The following TSPEAR variants were observed in gnomAD, a reference collection of about 807,000 sequenced individuals.
TSPEAR encodes the protein thrombospondin-type laminin G domain and EAR repeat-containing protein.
In TSPEAR, 69 loss-of-function variants were observed where a neutral mutation model predicts 71.6. The observed-to-expected ratio is 0.96, with a 90% CI of 0.79 to 1.18. The LOEUF (loss-of-function observed/expected upper bound fraction) is 1.18, where lower values mean the gene tolerates loss of function less well. Among genes scored for constraint, TSPEAR ranks in the 50% most tolerant of loss-of-function variants. TSPEAR has a pLI of 0.00. For missense variants in TSPEAR, 971 were observed against 894.9 expected (o/e 1.09, Z -1.09); for synonymous variants, 402 against 387.2 (o/e 1.04, Z -0.45).
At chr21:44,567,654 C>T in intron 2 of TSPEAR, 131 bp downstream of exon 2, 2 of 733,132 alleles carry the variant, frequency 2.7e-6, no homozygotes, top group Non-Finnish European at 4.1e-6. Flanking sequence ...AGGCCAGCCA[C>T]TCTTGATCCC....
chr21:44,502,609 G>A (rs1208257632), intron 11 of TSPEAR, among the ~76,000 whole-genome samples: 1 of 152,250 alleles, frequency 6.6e-6, no homozygotes, highest in Non-Finnish European at 1.5e-5. Context: ...TCCACACGCC[G>A]CATCCCTGAC....
At chr21:44,586,854 ACT>A (rs1979371179) in intron 1 of TSPEAR, among the ~76,000 whole-genome samples, 3 of 152,192 alleles carry the variant, frequency 2.0e-5, no homozygotes, top group African/African-American at 7.2e-5. Flanking sequence ...TATGATTAAA[ACT>A]CTCAGCAAAA....
At chr21:44,503,336 T>A (rs1351127437) in intron 11 of TSPEAR, among the ~76,000 whole-genome samples, 10 of 122,818 alleles carry the variant, frequency 8.1e-5, no homozygotes, top group East Asian at 2.6e-4. Context: ...TGGTGAGCCC[T>A]CGGGGGGAAG....
chr21:44,537,817 C>T (rs942412135), intron 2 of TSPEAR, among the ~76,000 whole-genome samples: 6 of 152,306 alleles, frequency 3.9e-5, no homozygotes, highest in African/African-American at 1.2e-4. Flanking sequence ...GAAAAACACA[C>T]ATAGCCTGAT....
chr21:44,531,367 C>T (rs147080305), intron 3 of TSPEAR, among the ~76,000 whole-genome samples: 3 of 152,344 alleles, frequency 2.0e-5, no homozygotes, highest in Non-Finnish European at 4.4e-5. Context: ...CTCGACTCAT[C>T]AGCTTCTGGT....
At chr21:44,701,770 G>A (rs1987659080) in intron 1 of TSPEAR, among the ~76,000 whole-genome samples, 1 of 102,946 alleles carries the variant, frequency 9.7e-6, no homozygotes, top group African/African-American at 3.0e-5. Context: ...TCACTCACCT[G>A]CCACTCCCCT....
At chr21:44,649,560 C>T (rs1033738900) in intron 1 of TSPEAR, among the ~76,000 whole-genome samples, 2 of 152,224 alleles carry the variant, frequency 1.3e-5, no homozygotes, top group Non-Finnish European at 2.9e-5. Flanking sequence ...CCCCTTCTCC[C>T]GTGTGGCCCA....
Position 44,677,231 on chromosome 21 carries a change from G to C in TSPEAR, c.82+34202C>G, listed in dbSNP as rs1986357650. On this transcript the variant is annotated intron_variant, in intron 1 of 11. Transcript: ENST00000323084. ...TTTTCATCTTCTCTACCTCTTCTTTGGCTTTGAGAAGGGCATTGGCAGCTT... is the reference window on the plus strand; with the variant it reads ...TTTTCATCTTCTCTACCTCTTCTTTCGCTTTGAGAAGGGCATTGGCAGCTT... 10 of 716,514 alleles carry C rather than the reference G, an allele frequency of 1.4e-5. No individual in the cohort carries two copies. In the South Asian group the frequency reaches 1.6e-4, roughly 11 times the overall value. 44.4% of individuals were successfully genotyped at this position (716,514 alleles called of 1,614,324 possible). A position where few individuals can be genotyped will look rare whatever the true frequency, so the allele number is the denominator to read the frequency against.
chr21:44,681,113 T>C (rs930948663), intron 1 of TSPEAR, among the ~76,000 whole-genome samples: 4 of 152,206 alleles, frequency 2.6e-5, no homozygotes, highest in Non-Finnish European at 5.9e-5. Flanking sequence ...CCCATAAATA[T>C]GTAAACATAT....
At chr21:44,672,382 AAC>A (rs1986097866) in intron 1 of TSPEAR, among the ~76,000 whole-genome samples, 1 of 152,164 alleles carries the variant, frequency 6.6e-6, no homozygotes. Flanking sequence ...CATCCTGGCT[AAC>A]ACGGTGAAAC....
chr21:44,644,230 G>C (rs1002483227), intron 1 of TSPEAR, among the ~76,000 whole-genome samples: 1 of 152,224 alleles, frequency 6.6e-6, no homozygotes, highest in South Asian at 2.1e-4. Context: ...CATGTCTCCA[G>C]TGAGTCCAGG....
At chr21:44,690,634 T>C in intron 1 of TSPEAR, 1 of 977,486 alleles carries the variant, frequency 1.0e-6, no homozygotes, top group South Asian at 4.7e-5. Flanking sequence ...AAACAGAAGA[T>C]AAGCAGTTCT....
At chr21:44,681,885 C>A (rs568436407) in intron 1 of TSPEAR, 7 of 1,613,918 alleles carry the variant, frequency 4.3e-6, no homozygotes, top group Non-Finnish European at 5.9e-6. Context: ...GACGCTGGTG[C>A]AGGAAGGCTG....
At chr21:44,709,609 C>T (rs1309614808) in intron 1 of TSPEAR, among the ~76,000 whole-genome samples, 1 of 152,274 alleles carries the variant, frequency 6.6e-6, no homozygotes. Flanking sequence ...GCGGGTCAAC[C>T]ACCCGCCGCG....
At chr21:44,621,712 G>C (rs1982445688) in intron 1 of TSPEAR, among the ~76,000 whole-genome samples, 1 of 152,266 alleles carries the variant, frequency 6.6e-6, no homozygotes, top group Non-Finnish European at 1.5e-5. Context: ...CCAGTTGTTT[G>C]AGAATATTCA....
chr21:44,600,091 G>A (rs1362091648), intron 1 of TSPEAR, among the ~76,000 whole-genome samples: 8 of 152,236 alleles, frequency 5.3e-5, no homozygotes, highest in Admixed American at 4.6e-4. Context: ...CCCTTGGGGG[G>A]ACTTTATGCA....
At chr21:44,638,884 A>C (rs1053468552) in intron 1 of TSPEAR, among the ~76,000 whole-genome samples, 1 of 151,550 alleles carries the variant, frequency 6.6e-6, no homozygotes, top group Non-Finnish European at 1.5e-5. Flanking sequence ...CAGCAGCCTC[A>C]CCCCTCCTGT....
intron 1 of TSPEAR, chr21:44,647,764 G>A (rs1199406370): frequency 1.7e-5 from 4 of 235,316 alleles, no homozygotes; most frequent in Admixed American, 5.1e-5. Flanking sequence ...CTCTCATTCC[G>A]AGATCAAACA....
At chr21:44,545,328 T>C (rs587666869) in intron 2 of TSPEAR, among the ~76,000 whole-genome samples, 7 of 149,456 alleles carry the variant, frequency 4.7e-5, no homozygotes, top group African/African-American at 1.5e-4. Context: ...AAAAAAAAAA[T>C]TGATTAATTA....
Sources: gnomAD v4.1 joint callset for allele counts (sites outside exome capture counted in the v4.1 genomes callset) on GRCh38, gnomAD v4.1.1 for gene constraint, MANE v1.5 for transcripts, NCBI Gene and HGNC (gene_info 2026-07-23, HGNC 2026-07-21) for gene names.